Variants in TRAK1 observed in about 807,000 individuals in gnomAD.
The protein encoded by TRAK1 is trafficking kinesin-binding protein 1.
TRAK1 carries 33 observed loss-of-function variants against 92.1 expected under a neutral mutation model. The ratio of observed to expected loss-of-function variants is 0.36; its 90% CI spans 0.27 to 0.48. The LOEUF (loss-of-function observed/expected upper bound fraction) is 0.48, where lower values mean the gene tolerates loss of function less well. Among genes scored for constraint, TRAK1 ranks in the 20% least tolerant of loss-of-function variants. TRAK1 has a pLI of 0.99. For synonymous variants in TRAK1, 521 were observed against 517.3 expected (o/e 1.01, Z -0.10); for missense variants, 1,123 against 1,257.9 (o/e 0.89, Z 1.62).
At chr3:42,080,880 ACT>A (rs1324774066) in intron 1 of TRAK1, among the ~76,000 whole-genome samples, 2 of 151,042 alleles carry the variant, frequency 1.3e-5, no homozygotes, top group Non-Finnish European at 3.0e-5. Context: ...CTATTAAACT[ACT>A]CTTTTTTTTT....
chr3:42,111,043 T>C (rs1039780102), intron 1 of TRAK1, among the ~76,000 whole-genome samples: 1 of 151,828 alleles, frequency 6.6e-6, no homozygotes, highest in Non-Finnish European at 1.5e-5. Context: ...GCCAAGGGGG[T>C]AACTTAGCCC....
rs1410862894 is a variant in TRAK1 at position 42,110,093 on chromosome 3, A to AGT, written c.92-15326_92-15325dup. On this transcript the variant is annotated intron_variant, in intron 1 of 15. Coordinates refer to ENST00000327628, the MANE Select transcript of TRAK1 (RefSeq NM_001042646.3). ...TGTGCACATGTACCCTAGAACTTAA[A>AGT]GTATATATATATATATATATATATA... Among the ~76,000 whole-genome samples the AGT allele has an allele frequency of 2.8e-3, 104 of 37,670 alleles. 1 individual carries two copies. The highest frequency in any genetic ancestry group is 2.5e-3 in the South Asian group (2 of 800). 24.7% of individuals were successfully genotyped at this position (37,670 alleles called of 152,430 possible).
At chr3:42,070,312 TA>T (rs1373139073) in intron 1 of TRAK1, among the ~76,000 whole-genome samples, 1 of 149,416 alleles carries the variant, frequency 6.7e-6, no homozygotes, top group Non-Finnish European at 1.5e-5. Context: ...ATAATTAATA[TA>T]ATTAATTGCC....
rs1217611246 is a variant in TRAK1 at position 42,219,616 on chromosome 3, G to A, written c.2066+20G>A. The A allele has an allele frequency of 6.3e-7, 1 of 1,597,758 alleles. No individual in the cohort carries two copies. The highest frequency in any genetic ancestry group is 1.3e-5 in the African/African-American group (1 of 74,572). ...ACCAAGGTAAGGGACCCTGGCTTTG[G>A]GGTGGGCAGGGGTGGGGTGAAGTCA... is the stretch of plus-strand genomic sequence containing the variant. On this transcript the variant is annotated intron_variant, in intron 15 of 15. Transcript: ENST00000327628.
chr3:42,060,173 G>T (rs905300929), intron 1 of TRAK1, among the ~76,000 whole-genome samples: 5 of 152,160 alleles, frequency 3.3e-5, no homozygotes, highest in Non-Finnish European at 7.3e-5. Context: ...TCCACATGGA[G>T]CTTACATTCT....
intron 14 of TRAK1, chr3:42,219,266 T>C (rs2149541153): frequency 5.1e-6 from 5 of 983,788 alleles, no homozygotes; most frequent in Admixed American, 6.2e-5. Flanking sequence ...CTAGTCTGGA[T>C]TGGGTCGGAA....
At chr3:42,064,848 C>T (rs1204610413) in intron 1 of TRAK1, among the ~76,000 whole-genome samples, 1 of 151,982 alleles carries the variant, frequency 6.6e-6, no homozygotes, top group Non-Finnish European at 1.5e-5. Context: ...GTCAGGAGAT[C>T]AAGACCATCC....
At chr3:42,160,473 GGTAAATTCT>G in intron 2 of TRAK1, 1 of 1,613,972 alleles carries the variant, frequency 6.2e-7, no homozygotes. Context: ...CTTGGAAGAG[GGTAAATTCT>G]GTACTTGGCT....
intron 2 of TRAK1, among the ~76,000 whole-genome samples, chr3:42,158,233 G>C (rs891799936): frequency 1.3e-5 from 2 of 152,148 alleles, no homozygotes; most frequent in Non-Finnish European, 2.9e-5. Context: ...AAAGTCACTT[G>C]ATAGTATTTT....
At chr3:42,193,255 C>CG in intron 8 of TRAK1, 50 bp downstream of exon 8, 1 of 1,602,340 alleles carries the variant, frequency 6.2e-7, no homozygotes, top group Non-Finnish European at 8.5e-7. Context: ...CATGCTGAGA[C>CG]GGGGAAGGGA....
intron 2 of TRAK1, among the ~76,000 whole-genome samples, chr3:42,126,865 T>C (rs1433169146): frequency 5.3e-5 from 8 of 152,190 alleles, no homozygotes; most frequent in Admixed American, 2.6e-4. Flanking sequence ...TAGATATTAA[T>C]AAGAAAAAGG....
At chr3:42,118,166 C>G (rs1428365711) in intron 1 of TRAK1, among the ~76,000 whole-genome samples, 1 of 152,090 alleles carries the variant, frequency 6.6e-6, no homozygotes, top group Non-Finnish European at 1.5e-5. Context: ...TCACTGCAAC[C>G]TCCACCTCCC....
intron 1 of TRAK1, among the ~76,000 whole-genome samples, chr3:42,103,096 T>G (rs530236764): frequency 6.6e-6 from 1 of 152,290 alleles, no homozygotes; most frequent in African/African-American, 2.4e-5. Flanking sequence ...ACATTTTCAT[T>G]CACCCCCCGA....
chr3:42,216,215 C>T (rs995709875), intron 14 of TRAK1, among the ~76,000 whole-genome samples: 14 of 152,130 alleles, frequency 9.2e-5, no homozygotes, highest in African/African-American at 4.8e-5. Context: ...GGGCTTCCTA[C>T]GTATTTTCCC....
chr3:42,090,258 C>G (rs937352620), upstream of TRAK1, among the ~76,000 whole-genome samples: 3 of 152,198 alleles, frequency 2.0e-5, no homozygotes, highest in Non-Finnish European at 4.4e-5. Flanking sequence ...TACATTTGTC[C>G]AAACACATGA....
chr3:42,152,857 G>C (rs999659303), intron 2 of TRAK1, among the ~76,000 whole-genome samples: 1 of 152,188 alleles, frequency 6.6e-6, no homozygotes, highest in Non-Finnish European at 1.5e-5. Context: ...AGCGCTGGCT[G>C]TCTGTGTTTG....
intron 2 of TRAK1, among the ~76,000 whole-genome samples, chr3:42,145,424 G>A (rs114985016): frequency 0.039 from 5,944 of 151,216 alleles, 407 homozygotes; most frequent in African/African-American, 0.14. Context: ...GTCAGAGGTT[G>A]CAGTGAGCCA....
intron 2 of TRAK1, among the ~76,000 whole-genome samples, chr3:42,138,876 G>GGGGT (rs1553730372): frequency 2.5e-5 from 3 of 118,774 alleles, no homozygotes; most frequent in Admixed American, 8.5e-5. Flanking sequence ...AAGCATAGGG[G>GGGGT]GTGTGTGTGT....
At chr3:42,203,990 TC>T in intron 13 of TRAK1, 1 of 985,842 alleles carries the variant, frequency 1.0e-6, no homozygotes, top group East Asian at 1.1e-4. Flanking sequence ...ATGACTGGGT[TC>T]CACAGTCTCC....
Sources: allele counts gnomAD v4.1 joint callset (sites outside exome capture counted in the v4.1 genomes callset), GRCh38; gene constraint gnomAD v4.1.1; transcripts MANE v1.5; gene names NCBI Gene and HGNC (gene_info 2026-07-23, HGNC 2026-07-21).